THEMIS: variants seen among roughly 807,000 people sequenced by gnomAD.
THEMIS encodes protein THEMIS.
A neutral mutation model predicts 52.6 loss-of-function variants in THEMIS; 37 were observed. The observed-to-expected ratio is 0.70, with a 90% CI of 0.54 to 0.93. The LOEUF (loss-of-function observed/expected upper bound fraction) is 0.93. THEMIS is among the 40% of genes least tolerant of loss of function. THEMIS has a pLI of 0.00. For missense variants in THEMIS, 808 were observed against 763.1 expected (o/e 1.06, Z -0.69); for synonymous variants, 292 against 272.7 (o/e 1.07, Z -0.70).
chr6:127,784,950 ACTATCTATCTAT>A (rs59805084), intron 4 of THEMIS, among the ~76,000 whole-genome samples: 30,313 of 145,284 alleles, frequency 0.21, 3,903 homozygotes, highest in Non-Finnish European at 0.29. Flanking sequence ...AGGCAGTCAC[ACTATCTATCTAT>A]CTATCTATCT....
intron 4 of THEMIS, among the ~76,000 whole-genome samples, chr6:127,733,339 T>C (rs1774875407): frequency 6.6e-6 from 1 of 152,234 alleles, no homozygotes; most frequent in Non-Finnish European, 1.5e-5. Context: ...TGATCTTTAA[T>C]CCGCAGGTTG....
chr6:127,712,303 C>A (rs1329886034), intron 5 of THEMIS, among the ~76,000 whole-genome samples: 1 of 151,906 alleles, frequency 6.6e-6, no homozygotes, highest in African/African-American at 2.4e-5. Context: ...CCTGCCTGAT[C>A]TAACCCAATC....
At position 127,772,856 on chromosome 6, in the gene THEMIS, G is replaced by A. The variant is rs1237126328; in HGVS notation, c.1758+40027C>T. 2.6e-5 allele frequency among the ~76,000 whole-genome samples: 4 copies of A among 152,044 alleles called. No homozygotes were observed. In the East Asian group the frequency reaches 7.7e-4, roughly 29 times the overall value. ...ATTCTTTTCATTTTGAGGGCGTTTG[G>A]GGGCAGCTCAGTCTTAAAAGAATTA... On this transcript the variant is annotated intron_variant, in intron 4 of 5. Coordinates refer to ENST00000368248, the MANE Select transcript of THEMIS (RefSeq NM_001010923.3).
rs568806355 is a variant in THEMIS, at chr6:127,878,852, A to C, written c.91+21990T>G. Among the ~76,000 whole-genome samples, 28 of 152,372 alleles carry C rather than the reference A, an allele frequency of 1.8e-4. No individual in the cohort carries two copies. In the South Asian group the frequency reaches 5.6e-3, roughly 30 times the overall value. On this transcript the variant is annotated intron_variant, in intron 1 of 5. Coordinates refer to ENST00000368248, the MANE Select transcript of THEMIS (RefSeq NM_001010923.3). ...CTGAATTAGAAAAGCAACTAGCATGAAGCCCAGCAGTAAAAATAAAATGCT... is the reference window on the plus strand; with the variant it reads ...CTGAATTAGAAAAGCAACTAGCATGCAGCCCAGCAGTAAAAATAAAATGCT...
chr6:127,759,828 TTCCC>T (rs529282770), intron 4 of THEMIS, among the ~76,000 whole-genome samples: 2,763 of 116,098 alleles, frequency 0.024, 125 homozygotes, highest in African/African-American at 0.079. Flanking sequence ...CCTTCCCTCC[TTCCC>T]TCCCTCCCTC....
At chr6:127,741,884 A>G (rs1775215210) in intron 4 of THEMIS, among the ~76,000 whole-genome samples, 2 of 152,244 alleles carry the variant, frequency 1.3e-5, no homozygotes, top group Admixed American at 1.3e-4. Flanking sequence ...ATATTGCTAC[A>G]GAACAAGTGA....
chr6:127,767,011 T>C (rs867780342), intron 4 of THEMIS, among the ~76,000 whole-genome samples: 2 of 152,226 alleles, frequency 1.3e-5, no homozygotes, highest in Non-Finnish European at 2.9e-5. Flanking sequence ...ACTTTATAAA[T>C]GTTTTAATTT....
chr6:127,718,840 C>A (rs879720319), intron 5 of THEMIS, among the ~76,000 whole-genome samples: 2 of 151,490 alleles, frequency 1.3e-5, no homozygotes, highest in African/African-American at 4.8e-5. Context: ...GTGTCAGAAG[C>A]CAGTAAGCTA....
downstream of THEMIS, among the ~76,000 whole-genome samples, chr6:127,704,345 T>C (rs558832360): frequency 4.1e-4 from 62 of 152,270 alleles, 1 homozygote; most frequent in African/African-American, 1.4e-3. Context: ...AGTCTGTGGT[T>C]ACAGCAAACT....
chr6:127,806,899 C>T (rs1164699138), intron 4 of THEMIS, among the ~76,000 whole-genome samples: 1 of 152,206 alleles, frequency 6.6e-6, no homozygotes, highest in Non-Finnish European at 1.5e-5. Context: ...TTCAACCCAG[C>T]ACTTCCTTTA....
In THEMIS at chr6:127,840,329, G is replaced by A. The variant is rs545181360; in HGVS notation, c.251-10395C>T. ...TATGCATGTGAGGGACTATTACCTA[G>A]AAAATAAAAATTATGCCTTGAAGAA... On this transcript the variant is annotated intron_variant, in intron 2 of 5. Coordinates refer to ENST00000368248, the MANE Select transcript of THEMIS (RefSeq NM_001010923.3). Among the ~76,000 whole-genome samples the A allele has an allele frequency of 3.3e-5, 5 of 152,148 alleles. No individual in the cohort carries two copies. The East Asian group carries it at 9.7e-4, about 29-fold the overall frequency.
intron 4 of THEMIS, among the ~76,000 whole-genome samples, chr6:127,744,676 G>C (rs1348777300): frequency 6.6e-6 from 1 of 151,970 alleles, no homozygotes; most frequent in African/African-American, 2.4e-5. Context: ...GGGGATAAGA[G>C]GAGACATGAG....
At chr6:127,793,014 A>T (rs1204491286) in intron 4 of THEMIS, among the ~76,000 whole-genome samples, 1 of 152,154 alleles carries the variant, frequency 6.6e-6, no homozygotes, top group Admixed American at 6.5e-5. Flanking sequence ...CAGCCTCTCA[A>T]CATCTAAATT....
In THEMIS at chr6:127,813,763, C is replaced by T. The variant is rs369941356; in HGVS notation, c.878G>A (p.Gly293Glu). 1.2e-6 allele frequency: 2 copies of T among 1,613,716 alleles called. No homozygotes were observed. Among genetic ancestry groups the T allele is most frequent in the African/African-American group, 2.7e-5 (2 of 74,834 alleles). Residue 293 changes from glycine (G) to glutamate (E), a missense_variant, in exon 4 of 6, where the codon GGA (glycine) becomes GAA (glutamate). Physicochemically the swap from Gly to Glu is moderately conservative, Grantham distance 98 (BLOSUM62 -2). Coordinates refer to ENST00000368248, the MANE Select transcript of THEMIS (RefSeq NM_001010923.3). ...TAAAATGCTTTGGGGCAGGTGGTTT[C>T]CTTCAGGTGCTTCTATGACTTCAGT... Reference protein sequence around the residue: ...IVTEVIEAPEGNHLPQSILQP... With the variant: ...IVTEVIEAPEENHLPQSILQP...
intron 4 of THEMIS, among the ~76,000 whole-genome samples, chr6:127,809,132 T>G (rs1777816845): frequency 6.6e-6 from 1 of 152,236 alleles, no homozygotes; most frequent in Non-Finnish European, 1.5e-5. Flanking sequence ...TAAATGAGTT[T>G]GAATATTTAA....
chr6:127,742,156 T>C (rs1775223444), intron 4 of THEMIS, among the ~76,000 whole-genome samples: 1 of 150,918 alleles, frequency 6.6e-6, no homozygotes, highest in South Asian at 2.1e-4. Flanking sequence ...TATCAAAAAA[T>C]GCAAAAAGAT....
At chr6:127,873,360 G>T (rs1780213392) in intron 1 of THEMIS, among the ~76,000 whole-genome samples, 1 of 152,118 alleles carries the variant, frequency 6.6e-6, no homozygotes, top group Non-Finnish European at 1.5e-5. Context: ...AAGACCAAAG[G>T]AGGTAGGAAT....
chr6:127,731,391 A>T (rs1486340141), intron 4 of THEMIS, among the ~76,000 whole-genome samples: 1 of 152,146 alleles, frequency 6.6e-6, no homozygotes, highest in Non-Finnish European at 1.5e-5. Context: ...TGTCGGGGAA[A>T]AAAAAACAGA....
intron 4 of THEMIS, among the ~76,000 whole-genome samples, chr6:127,749,231 G>C (rs987133241): frequency 6.6e-6 from 1 of 151,984 alleles, no homozygotes; most frequent in Non-Finnish European, 1.5e-5. Flanking sequence ...TACAGCTATG[G>C]CCTTCAGAGT....
Sources: allele counts gnomAD v4.1 joint callset (sites outside exome capture counted in the v4.1 genomes callset), GRCh38; gene constraint gnomAD v4.1.1; transcripts MANE v1.5; gene names NCBI Gene and HGNC (gene_info 2026-07-23, HGNC 2026-07-21).